The following TENM3 variants were observed in gnomAD, a reference collection of about 807,000 sequenced individuals.
TENM3 encodes teneurin-3.
TENM3 carries 63 observed loss-of-function variants against 255.1 expected under a neutral mutation model. The observed-to-expected ratio is 0.25, with a 90% CI of 0.20 to 0.30. The LOEUF (loss-of-function observed/expected upper bound fraction) is 0.30, where lower values mean the gene tolerates loss of function less well. Ranked by LOEUF, TENM3 falls within the 10% of genes least tolerant of loss-of-function variation. The pLI, the probability that TENM3 is intolerant of heterozygous loss-of-function variation, is 1.00. For synonymous variants in TENM3, 1,306 were observed against 1,322.3 expected, an observed-to-expected ratio of 0.99 and a Z score of 0.27; for missense variants, 2,929 against 3,461.1, an observed-to-expected ratio of 0.85 and a Z score of 3.86.
At chr4:181,851,512 T>C in the TENM3 span, among the ~76,000 whole-genome samples, 1 of 152,184 alleles carries the variant, frequency 6.6e-6, no homozygotes, top group African/African-American at 2.4e-5. Flanking sequence ...GTAGGGTAGA[T>C]ACGAGCCCTC....
intron 1 of TENM3, among the ~76,000 whole-genome samples, chr4:182,321,521 G>A (rs1420085690): frequency 6.6e-6 from 1 of 152,114 alleles, no homozygotes; most frequent in Non-Finnish European, 1.5e-5. Context: ...AGCTACTCGG[G>A]AGGTTCAGGC....
chr4:182,342,684 C>A (rs920974292), intron 2 of TENM3, among the ~76,000 whole-genome samples: 1 of 151,844 alleles, frequency 6.6e-6, no homozygotes, highest in African/African-American at 2.4e-5. Context: ...AGCAAGAGAC[C>A]AAGAGAGAAG....
the TENM3 span, among the ~76,000 whole-genome samples, chr4:181,999,938 T>C: frequency 3.7e-3 from 566 of 152,240 alleles, 17 homozygotes; most frequent in South Asian, 0.049. Flanking sequence ...AGTTTAACCT[T>C]TATGTTAAAT....
intron 4 of TENM3, among the ~76,000 whole-genome samples, chr4:182,601,986 G>A (rs543541486): frequency 4.7e-4 from 72 of 152,352 alleles, no homozygotes; most frequent in Middle Eastern, 3.4e-3. Flanking sequence ...CGCAAAGGCT[G>A]GCTGACAAGT....
the TENM3 span, among the ~76,000 whole-genome samples, chr4:181,994,503 T>A: frequency 1.3e-5 from 2 of 151,986 alleles, no homozygotes; most frequent in Non-Finnish European, 1.5e-5. Flanking sequence ...TATTGTTTTG[T>A]TTTCTTTTAC....
rs930598286 is a variant in TENM3 at position 182,572,640 on chromosome 4, A to G, written c.512-28284A>G. 2.0e-5 allele frequency among the ~76,000 whole-genome samples: 3 copies of G among 152,330 alleles called. No individual in the cohort carries two copies. In the East Asian group the frequency reaches 5.8e-4, roughly 29 times the overall value. On this transcript the variant is annotated intron_variant, in intron 3 of 27. Transcript: ENST00000511685. ...TTCCCAAATTCTAGCAAACTGATATATCAGTCACTTCTATTTAGAGCTAAG... is the reference window on the plus strand; with the variant it reads ...TTCCCAAATTCTAGCAAACTGATATGTCAGTCACTTCTATTTAGAGCTAAG...
chr4:181,860,412 C>T, the TENM3 span, among the ~76,000 whole-genome samples: 3 of 152,100 alleles, frequency 2.0e-5, no homozygotes, highest in African/African-American at 7.2e-5. Context: ...ATTTTTCTAA[C>T]GCTCCTTCGC....
At chr4:181,535,220 G>A in the TENM3 span, among the ~76,000 whole-genome samples, 9 of 152,256 alleles carry the variant, frequency 5.9e-5, no homozygotes, top group East Asian at 7.8e-4. Flanking sequence ...GAGGCTTCCC[G>A]ACCCACCAGG....
intron 1 of TENM3, among the ~76,000 whole-genome samples, chr4:182,306,348 G>T (rs1354131273): frequency 6.6e-6 from 1 of 151,938 alleles, no homozygotes; most frequent in Non-Finnish European, 1.5e-5. Flanking sequence ...GAGCCACCAT[G>T]TCCAGCCTGA....
At chr4:181,605,523 A>AAAGG in the TENM3 span, among the ~76,000 whole-genome samples, 4 of 22,238 alleles carry the variant, frequency 1.8e-4, no homozygotes, top group South Asian at 8.8e-3. Flanking sequence ...AGAAAGAAAG[A>AAAGG]AAGAAAGAAA....
At chr4:182,603,722 A>C (rs537733398) in intron 4 of TENM3, among the ~76,000 whole-genome samples, 1 of 139,766 alleles carries the variant, frequency 7.2e-6, no homozygotes, top group African/African-American at 2.6e-5. Flanking sequence ...TCTGCCTTTA[A>C]CTATTTTTTA....
chr4:182,555,731 A>G (rs970194446), intron 3 of TENM3, among the ~76,000 whole-genome samples: 2 of 152,226 alleles, frequency 1.3e-5, no homozygotes, highest in African/African-American at 2.4e-5. Flanking sequence ...AAAATGCAAT[A>G]ATGTATTTAT....
At chr4:182,550,418 A>T (rs1741883166) in intron 3 of TENM3, among the ~76,000 whole-genome samples, 1 of 152,216 alleles carries the variant, frequency 6.6e-6, no homozygotes, top group Admixed American at 6.5e-5. Context: ...AGGGTCACAG[A>T]TCCTGAAGTC....
intron 13 of TENM3, among the ~76,000 whole-genome samples, chr4:182,726,898 TAATAAG>T (rs1313739025): frequency 6.6e-6 from 1 of 152,180 alleles, no homozygotes; most frequent in African/African-American, 2.4e-5. Flanking sequence ...AACATTCTAT[TAATAAG>T]AATAGCCTAA....
chr4:182,164,683 C>T (rs556035082), intron 1 of TENM3, among the ~76,000 whole-genome samples: 3 of 152,252 alleles, frequency 2.0e-5, no homozygotes, highest in African/African-American at 7.2e-5. Context: ...AAACCAGGGA[C>T]CTTGTTTGTT....
chr4:181,696,538 A>T, the TENM3 span, among the ~76,000 whole-genome samples: 1 of 152,240 alleles, frequency 6.6e-6, no homozygotes, highest in Non-Finnish European at 1.5e-5. Context: ...ATTATGTATC[A>T]CAACAGCTCA....
At chr4:182,285,835 C>A (rs1343132822) in intron 1 of TENM3, among the ~76,000 whole-genome samples, 2 of 151,304 alleles carry the variant, frequency 1.3e-5, no homozygotes, top group Non-Finnish European at 2.9e-5. Context: ...CAAGGCTGGA[C>A]CAAAACCACT....
In TENM3 at chr4:182,773,774, A is replaced by C. The variant is rs80023954; in HGVS notation, c.5068+127A>C. The C allele has an allele frequency of 1.9e-3, 1,466 of 776,168 alleles. 16 individuals carry two copies. In the African/African-American group the frequency reaches 0.022, roughly 12 times the overall value. 48.1% of individuals were successfully genotyped at this position (776,168 alleles called of 1,614,324 possible). A position where few individuals can be genotyped will look rare whatever the true frequency, so the allele number is the denominator to read the frequency against. ...GTAAACCTCTAGAAATATTGGTGACATAATCTACAGTGTACATGTAATATT... is the reference window on the plus strand; with the variant it reads ...GTAAACCTCTAGAAATATTGGTGACCTAATCTACAGTGTACATGTAATATT... On this transcript the variant is annotated intron_variant, in intron 23 of 27. Coordinates refer to ENST00000511685, the MANE Select transcript of TENM3 (RefSeq NM_001080477.4).
chr4:182,379,182 C>T (rs1211984614), intron 3 of TENM3, among the ~76,000 whole-genome samples: 5 of 152,046 alleles, frequency 3.3e-5, no homozygotes, highest in African/African-American at 1.2e-4. Context: ...GGTGAAACCC[C>T]GTCTGTCCTA....
Sources: allele counts gnomAD v4.1 joint callset (sites outside exome capture counted in the v4.1 genomes callset), GRCh38; gene constraint gnomAD v4.1.1; transcripts MANE v1.5; gene names NCBI Gene and HGNC (gene_info 2026-07-23, HGNC 2026-07-21).